PADI1: variants seen among roughly 807,000 people sequenced by gnomAD.
The protein encoded by PADI1 is protein-arginine deiminase type-1.
PADI1 carries 65 observed loss-of-function variants against 74.8 expected under a neutral mutation model. That is an observed-to-expected ratio of 0.87 (90% CI 0.71 to 1.07). PADI1 has a LOEUF of 1.07. Ranked by LOEUF, PADI1 falls within the 50% of genes least tolerant of loss-of-function variation. The pLI, the probability that PADI1 is intolerant of heterozygous loss-of-function variation, is 0.00. For synonymous variants in PADI1, 371 were observed against 336.2 expected (o/e 1.10, Z -1.13); for missense variants, 943 against 854.0 (o/e 1.10, Z -1.30).
At chr1:17,215,998 C>T (rs539176217) in intron 1 of PADI1, among the ~76,000 whole-genome samples, 15 of 152,268 alleles carry the variant, frequency 9.9e-5, no homozygotes, top group African/African-American at 2.9e-4. Context: ...ATCAGAAAGG[C>T]CTCGTATGCT....
intron 1 of PADI1, among the ~76,000 whole-genome samples, chr1:17,209,789 A>C (rs1159444046): frequency 6.6e-6 from 1 of 152,052 alleles, no homozygotes; most frequent in Non-Finnish European, 1.5e-5. Flanking sequence ...TTTTCTTCGG[A>C]GTGACATCCC....
Position 17,218,072 on chromosome 1 carries a change from C to T in PADI1, c.93-4218C>T, listed in dbSNP as rs549699080. On this transcript the variant is annotated intron_variant, in intron 1 of 15. Coordinates refer to ENST00000375471, the MANE Select transcript of PADI1 (RefSeq NM_013358.3). ...CAACAAAAATATCAACCAACGTTTA[C>T]GTCACATATCAGATTTAGTGACAAT... Among the ~76,000 whole-genome samples, 7 of 152,282 alleles carry T rather than the reference C, an allele frequency of 4.6e-5. No homozygotes were observed. In the East Asian group the frequency reaches 5.8e-4, roughly 13 times the overall value.
intron 11 of PADI1, among the ~76,000 whole-genome samples, chr1:17,237,108 T>C (rs2072661870): frequency 6.6e-6 from 1 of 152,228 alleles, no homozygotes; most frequent in South Asian, 2.1e-4. Context: ...GCGAGGACCC[T>C]AAGGACAGCA....
chr1:17,206,677 CTT>C, intron 1 of PADI1, among the ~76,000 whole-genome samples: 1 of 120,218 alleles, frequency 8.3e-6, no homozygotes, highest in East Asian at 2.2e-4. Context: ...TCTTTTTTTT[CTT>C]TTTCTTTTTT....
At chr1:17,206,301 G>A (rs1045231497) in intron 1 of PADI1, among the ~76,000 whole-genome samples, 2 of 152,194 alleles carry the variant, frequency 1.3e-5, no homozygotes, top group Non-Finnish European at 2.9e-5. Flanking sequence ...TGGGGCCCAG[G>A]GCCAGCTGCC....
Position 17,238,646 on chromosome 1 carries a change from G to T in PADI1, c.1489G>T (p.Ala497Ser), listed in dbSNP as rs531986952. 1.3e-6 allele frequency: 2 copies of T among 1,549,626 alleles called. No homozygotes were observed. The highest frequency in any genetic ancestry group is 1.8e-6 in the Non-Finnish European group (2 of 1,142,514). Residue 497 changes from alanine to serine, a missense_variant, in exon 13 of 16, where the codon GCT (alanine) becomes TCT (serine). Physicochemically the swap from Ala to Ser is moderately conservative, Grantham distance 99. Transcript: ENST00000375471. ...GFRLLLASPS[A>S]CLKLFQEKKE... is the part of the protein sequence containing the mutation. ...CCGGCTGCTCCTGGCTAGCCCCAGC[G>T]CTTGCCTCAAACTCTTCCAAGAGAA...
Position 17,238,726 on chromosome 1 carries a change from C to G in PADI1, c.1552+17C>G. 1 of 1,392,874 alleles carries G rather than the reference C, an allele frequency of 7.2e-7. No homozygotes were observed. The highest frequency in any genetic ancestry group is 9.7e-7 in the Non-Finnish European group (1 of 1,031,138). 86.3% of individuals were successfully genotyped at this position (1,392,874 alleles called of 1,614,324 possible). On this transcript the variant is annotated intron_variant, in intron 13 of 15. Coordinates refer to ENST00000375471, the MANE Select transcript of PADI1 (RefSeq NM_013358.3). ...AGTTTGATGGTGAGTGCCAATGACC[C>G]GGTCACCCCTGGGGGACCCTGCCCT...
intron 6 of PADI1, among the ~76,000 whole-genome samples, chr1:17,227,152 A>C (rs949817721): frequency 5.3e-5 from 8 of 150,798 alleles, no homozygotes; most frequent in African/African-American, 2.0e-4. Flanking sequence ...AACCAAGATC[A>C]TGCCACTGCA....
intron 12 of PADI1, among the ~76,000 whole-genome samples, chr1:17,238,106 T>C (rs2072689401): frequency 6.6e-6 from 1 of 152,252 alleles, no homozygotes; most frequent in Non-Finnish European, 1.5e-5. Flanking sequence ...TGGAGTGCAA[T>C]AGCGCGATCT....
chr1:17,230,445 C>T (rs947197035), intron 9 of PADI1, 127 bp from the exon 10 acceptor site: 10 of 734,424 alleles, frequency 1.4e-5, no homozygotes, highest in Admixed American at 2.9e-5. Flanking sequence ...TCACTTCTAC[C>T]TCTGCCCCTC....
intron 1 of PADI1, among the ~76,000 whole-genome samples, chr1:17,207,069 C>T (rs897385696): frequency 2.6e-5 from 4 of 152,154 alleles, no homozygotes; most frequent in Non-Finnish European, 5.9e-5. Context: ...CTTGCAGGCC[C>T]CCTTCTTCTT....
intron 10 of PADI1, among the ~76,000 whole-genome samples, chr1:17,232,526 C>G (rs1233730665): frequency 1.3e-5 from 2 of 152,210 alleles, no homozygotes; most frequent in Non-Finnish European, 2.9e-5. Context: ...AAAATCTTGT[C>G]TAATTTCCAC....
At chr1:17,216,765 G>C (rs1254417210) in intron 1 of PADI1, among the ~76,000 whole-genome samples, 1 of 152,098 alleles carries the variant, frequency 6.6e-6, no homozygotes, top group Non-Finnish European at 1.5e-5. Context: ...AGCTACTTGG[G>C]AGGCTGAGGC....
intron 6 of PADI1, among the ~76,000 whole-genome samples, chr1:17,226,741 C>T (rs2072323773): frequency 1.3e-5 from 2 of 152,124 alleles, no homozygotes; most frequent in Non-Finnish European, 2.9e-5. Flanking sequence ...CAGTGAAACC[C>T]TGTCTCTATT....
At chr1:17,237,522 G>A (rs2072674960) in intron 12 of PADI1, 64 bp downstream of exon 12, 1 of 1,477,922 alleles carries the variant, frequency 6.8e-7, no homozygotes, top group African/African-American at 1.4e-5. Flanking sequence ...GGATGAGTCA[G>A]GGCAAAGCCA....
intron 10 of PADI1, among the ~76,000 whole-genome samples, chr1:17,231,879 C>T (rs2072498716): frequency 6.6e-6 from 1 of 152,000 alleles, no homozygotes; most frequent in South Asian, 2.1e-4. Context: ...TCTTGTAATG[C>T]TATCCCTCCC....
chr1:17,240,247 G>C (rs1569852496), intron 14 of PADI1: 1 of 244,854 alleles, frequency 4.1e-6, no homozygotes, highest in South Asian at 6.6e-5. Flanking sequence ...GGCTAGCACA[G>C]AGTCGGTGCT....
intron 13 of PADI1, 79 bp from the exon 14 acceptor site, chr1:17,239,625 C>A: frequency 9.2e-7 from 1 of 1,089,598 alleles, no homozygotes; most frequent in Non-Finnish European, 1.4e-6. Flanking sequence ...AAATCCTGGC[C>A]TGGATTATGT....
chr1:17,244,255 C>G lies in PADI1; in HGVS notation c.*12C>G. On this transcript the variant is annotated 3_prime_UTR_variant, in exon 16 of 16. Transcript: ENST00000375471. ...ACATGGTGCCCTGAGCCTGCCCCCA[C>G]CCGCCATCCTCTCTGCCCTCTTGCT... The G allele has an allele frequency of 6.3e-7, 1 of 1,593,888 alleles. No individual in the cohort carries two copies. Among genetic ancestry groups the G allele is most frequent in the Non-Finnish European group, 8.6e-7 (1 of 1,161,534 alleles).
Sources: gnomAD v4.1 joint callset for allele counts (sites outside exome capture counted in the v4.1 genomes callset) on GRCh38, gnomAD v4.1.1 for gene constraint, MANE v1.5 for transcripts, NCBI Gene and HGNC (gene_info 2026-07-23, HGNC 2026-07-21) for gene names.